Variants in GRID1 observed in about 807,000 individuals in gnomAD.
GRID1 encodes glutamate ionotropic receptor delta type subunit 1.
GRID1 carries 28 observed loss-of-function variants against 98.0 expected under a neutral mutation model. The observed-to-expected ratio is 0.29, with a 90% CI of 0.21 to 0.39. The LOEUF is 0.39. Among genes scored for constraint, GRID1 ranks in the 10% least tolerant of loss-of-function variants. GRID1 has a pLI of 1.00. For missense variants in GRID1, 1,111 were observed against 1,340.5 expected, an observed-to-expected ratio of 0.83 and a Z score of 2.67; for synonymous variants, 553 against 538.5, an observed-to-expected ratio of 1.03 and a Z score of -0.37.
At chr10:85,626,942 A>T (rs1716105758) in intron 13 of GRID1, among the ~76,000 whole-genome samples, 1 of 152,180 alleles carries the variant, frequency 6.6e-6, no homozygotes, top group South Asian at 2.1e-4. Context: ...TACCCGTGGG[A>T]TTTATCCTAA....
At chr10:85,989,411 C>T (rs1408630851) in intron 4 of GRID1, among the ~76,000 whole-genome samples, 2 of 148,372 alleles carry the variant, frequency 1.3e-5, no homozygotes, top group African/African-American at 4.9e-5. Context: ...CTGGTACCTG[C>T]ATTTTCCTCT....
intron 4 of GRID1, among the ~76,000 whole-genome samples, chr10:86,099,627 C>G (rs1257333510): frequency 6.6e-6 from 1 of 152,216 alleles, no homozygotes; most frequent in African/African-American, 2.4e-5. Flanking sequence ...TGAAATGACT[C>G]TCATAAATTT....
intron 8 of GRID1, among the ~76,000 whole-genome samples, chr10:85,741,373 T>TA (rs1256690880): frequency 1.3e-5 from 2 of 152,122 alleles, no homozygotes; most frequent in South Asian, 2.1e-4. Flanking sequence ...TAAATATATA[T>TA]TTTTTTAAAC....
chr10:85,974,191 T>G (rs891866220), intron 4 of GRID1, among the ~76,000 whole-genome samples: 1 of 152,190 alleles, frequency 6.6e-6, no homozygotes, highest in Non-Finnish European at 1.5e-5. Context: ...CCAGATCCAG[T>G]ATCAATTGTG....
intron 8 of GRID1, among the ~76,000 whole-genome samples, chr10:85,735,551 A>G (rs184405807): frequency 2.6e-4 from 39 of 152,108 alleles, no homozygotes; most frequent in African/African-American, 9.2e-4. Flanking sequence ...GGCATTTGGG[A>G]CTCTGTGGCC....
intron 2 of GRID1, among the ~76,000 whole-genome samples, chr10:86,220,613 T>C (rs548283431): frequency 1.3e-5 from 2 of 152,284 alleles, no homozygotes; most frequent in East Asian, 3.9e-4. Context: ...TCCAAGGCCA[T>C]CCTCTGCTCA....
intron 4 of GRID1, among the ~76,000 whole-genome samples, chr10:86,094,513 A>C (rs1165346680): frequency 1.3e-5 from 2 of 152,208 alleles, no homozygotes; most frequent in Non-Finnish European, 2.9e-5. Context: ...CAGATACAAG[A>C]CTAATGTGCA....
intron 4 of GRID1, among the ~76,000 whole-genome samples, chr10:86,116,959 C>T (rs1158609855): frequency 6.6e-6 from 1 of 152,078 alleles, no homozygotes; most frequent in Admixed American, 6.5e-5. Flanking sequence ...ACCATCACTG[C>T]AATCACTATC....
chr10:86,271,936 A>C (rs1038844567), intron 2 of GRID1, among the ~76,000 whole-genome samples: 1 of 152,182 alleles, frequency 6.6e-6, no homozygotes, highest in African/African-American at 2.4e-5. Flanking sequence ...ATTTTAAGAA[A>C]TCATAAGCAC....
At chr10:85,880,587 A>C (rs1414604195) in intron 5 of GRID1, among the ~76,000 whole-genome samples, 1 of 151,878 alleles carries the variant, frequency 6.6e-6, no homozygotes, top group Non-Finnish European at 1.5e-5. Context: ...TCATGCTAAA[A>C]ACTCTCAATA....
chr10:86,093,387 T>C (rs1032518074), intron 4 of GRID1, among the ~76,000 whole-genome samples: 1 of 132,930 alleles, frequency 7.5e-6, no homozygotes, highest in Non-Finnish European at 1.6e-5. Flanking sequence ...TAAATGAAAC[T>C]GAAAAAAAAA....
At chr10:86,018,291 G>A (rs930469978) in intron 4 of GRID1, among the ~76,000 whole-genome samples, 19 of 152,208 alleles carry the variant, frequency 1.2e-4, no homozygotes, top group Middle Eastern at 3.2e-3. Context: ...AGCTCTCCCT[G>A]AAACACACCA....
chr10:85,954,644 G>A (rs1350992795), intron 4 of GRID1, among the ~76,000 whole-genome samples: 1 of 152,218 alleles, frequency 6.6e-6, no homozygotes, highest in East Asian at 1.9e-4. Context: ...CTCATAAGCA[G>A]TGTACTCTAG....
At chr10:85,742,317 A>C (rs980889189) in intron 8 of GRID1, among the ~76,000 whole-genome samples, 1 of 152,190 alleles carries the variant, frequency 6.6e-6, no homozygotes, top group African/African-American at 2.4e-5. Flanking sequence ...CTCTGTGGTC[A>C]ACTACTCCAC....
intron 2 of GRID1, among the ~76,000 whole-genome samples, chr10:86,295,581 G>A (rs375224123): frequency 2.6e-5 from 4 of 152,214 alleles, no homozygotes; most frequent in African/African-American, 7.2e-5. Context: ...TGCAGATGCG[G>A]AAAGAGAGGG....
At chr10:86,313,971 C>T (rs1005185982) in intron 2 of GRID1, among the ~76,000 whole-genome samples, 1 of 152,244 alleles carries the variant, frequency 6.6e-6, no homozygotes, top group African/African-American at 2.4e-5. Context: ...AGCTGACTGG[C>T]TTCCTGCTAA....
At chr10:86,311,835 C>CCTGG (rs575099901) in intron 2 of GRID1, among the ~76,000 whole-genome samples, 17 of 152,328 alleles carry the variant, frequency 1.1e-4, no homozygotes, top group African/African-American at 4.1e-4. Flanking sequence ...TGAACTCCAG[C>CCTGG]CTGGGCAACA....
chr10:85,979,279 G>A (rs1025482270), intron 4 of GRID1, among the ~76,000 whole-genome samples: 23 of 152,132 alleles, frequency 1.5e-4, no homozygotes, highest in African/African-American at 5.6e-4. Context: ...CCACCAGTGG[G>A]ACCCAAGAGT....
At chr10:86,284,014 A>C in intron 2 of GRID1, among the ~76,000 whole-genome samples, 1 of 150,222 alleles carries the variant, frequency 6.7e-6, no homozygotes, top group African/African-American at 2.5e-5. Flanking sequence ...CTGCCCTCAC[A>C]TACACCTGCA....
Sources: allele counts gnomAD v4.1 joint callset (sites outside exome capture counted in the v4.1 genomes callset), GRCh38; gene constraint gnomAD v4.1.1; transcripts MANE v1.5; gene names NCBI Gene and HGNC (gene_info 2026-07-23, HGNC 2026-07-21).